Variants in TANC2 observed in about 807,000 individuals in gnomAD.
TANC2 encodes the protein protein TANC2.
A neutral mutation model predicts 210.5 loss-of-function variants in TANC2; 26 were observed. The ratio of observed to expected loss-of-function variants is 0.12; its 90% CI spans 0.09 to 0.17. The LOEUF (loss-of-function observed/expected upper bound fraction) is 0.17. TANC2 is among the 10% of genes least tolerant of loss of function. The pLI, the probability that TANC2 is intolerant of heterozygous loss-of-function variation, is 1.00. For missense variants in TANC2, 2,129 were observed against 2,608.9 expected, an observed-to-expected ratio of 0.82 and a Z score of 4.01; for synonymous variants, 931 against 967.1, an observed-to-expected ratio of 0.96 and a Z score of 0.69.
At chr17:63,226,209 T>C (rs1420053527) in intron 7 of TANC2, among the ~76,000 whole-genome samples, 3 of 152,244 alleles carry the variant, frequency 2.0e-5, no homozygotes, top group African/African-American at 7.2e-5. Context: ...TTTTTAGGCA[T>C]CACCAGACAC....
chr17:63,226,219 C>T (rs1425146720), intron 7 of TANC2, among the ~76,000 whole-genome samples: 1 of 152,112 alleles, frequency 6.6e-6, no homozygotes, highest in Non-Finnish European at 1.5e-5. Context: ...TCACCAGACA[C>T]CATAGGGGGT....
intron 7 of TANC2, among the ~76,000 whole-genome samples, chr17:63,223,657 A>G (rs2042253235): frequency 6.6e-6 from 1 of 152,042 alleles, no homozygotes; most frequent in African/African-American, 2.4e-5. Flanking sequence ...AGTTCCTGAA[A>G]CCATAGAAGG....
chr17:63,266,713 C>T (rs1409907666), intron 8 of TANC2, among the ~76,000 whole-genome samples: 2 of 152,082 alleles, frequency 1.3e-5, no homozygotes, highest in Non-Finnish European at 2.9e-5. Flanking sequence ...AATATACTCC[C>T]CAAGTATTTG....
chr17:63,238,340 A>AAT (rs2146057989), intron 8 of TANC2, among the ~76,000 whole-genome samples: 1 of 152,312 alleles, frequency 6.6e-6, no homozygotes, highest in South Asian at 2.1e-4. Flanking sequence ...CAGCCTATAA[A>AAT]ATATATCATC....
At chr17:63,025,102 C>G (rs893831265) in intron 2 of TANC2, among the ~76,000 whole-genome samples, 1 of 151,992 alleles carries the variant, frequency 6.6e-6, no homozygotes, top group African/African-American at 2.4e-5. Flanking sequence ...GAAAAATCAC[C>G]CTATTAGACA....
intron 4 of TANC2, among the ~76,000 whole-genome samples, chr17:63,137,658 G>T (rs566779818): frequency 6.6e-6 from 1 of 152,098 alleles, no homozygotes; most frequent in African/African-American, 2.4e-5. Flanking sequence ...ACTCTTATTT[G>T]TAATGTCTGT....
intron 13 of TANC2, among the ~76,000 whole-genome samples, chr17:63,352,184 G>A (rs2046631530): frequency 6.6e-6 from 1 of 152,030 alleles, no homozygotes; most frequent in Non-Finnish European, 1.5e-5. Flanking sequence ...TTCCTCCTAT[G>A]ATGAATATTA....
At chr17:63,057,783 A>G (rs1005761261) in intron 2 of TANC2, among the ~76,000 whole-genome samples, 3 of 152,188 alleles carry the variant, frequency 2.0e-5, no homozygotes, top group Non-Finnish European at 4.4e-5. Flanking sequence ...TTATGGCTGC[A>G]TAGTATTCCA....
At chr17:63,118,125 A>G (rs2038322258) in intron 4 of TANC2, among the ~76,000 whole-genome samples, 1 of 152,332 alleles carries the variant, frequency 6.6e-6, no homozygotes, top group East Asian at 1.9e-4. Context: ...ATCCTTATAA[A>G]TAAAATACCT....
chr17:63,197,733 G>A (rs2041392596), intron 6 of TANC2: 1 of 152,110 alleles, frequency 6.6e-6, no homozygotes, highest in African/African-American at 2.4e-5. Flanking sequence ...ATCCAGATTG[G>A]GAGCTTTCTT....
At chr17:63,090,705 T>A (rs1182888499) in intron 3 of TANC2, among the ~76,000 whole-genome samples, 1 of 152,210 alleles carries the variant, frequency 6.6e-6, no homozygotes, top group Admixed American at 6.5e-5. Context: ...TGATTTATAA[T>A]CCTTTGGGTA....
chr17:63,116,647 G>A (rs542857850), intron 4 of TANC2, among the ~76,000 whole-genome samples: 3 of 152,174 alleles, frequency 2.0e-5, no homozygotes, highest in Non-Finnish European at 4.4e-5. Flanking sequence ...TGAAATTGGT[G>A]TCATTGCTAC....
intron 4 of TANC2, 100 bp from the exon 5 acceptor site, chr17:63,151,170 C>A: frequency 2.1e-6 from 1 of 479,284 alleles, no homozygotes; most frequent in Non-Finnish European, 2.7e-6. Flanking sequence ...CTCTCTTTCC[C>A]TTTTTCCTTC....
exon 2 of TANC2, chr17:63,009,568 G>A: frequency 1.9e-6 from 3 of 1,612,832 alleles, no homozygotes; most frequent in South Asian, 1.1e-5. Context: ...CCATGTTTCG[G>A]AATAGTCTCA....
chr17:63,366,117 A>G (rs2047103004), intron 14 of TANC2, among the ~76,000 whole-genome samples: 1 of 152,102 alleles, frequency 6.6e-6, no homozygotes, highest in African/African-American at 2.4e-5. Flanking sequence ...ACTAATTTTA[A>G]GCTAGCAACT....
At chr17:63,012,918 G>A (rs2033936663) in intron 2 of TANC2, among the ~76,000 whole-genome samples, 1 of 152,064 alleles carries the variant, frequency 6.6e-6, no homozygotes, top group Non-Finnish European at 1.5e-5. Flanking sequence ...ACCACCCAAA[G>A]CATTGGGATT....
At chr17:63,374,824 A>G (rs1321829882) in intron 14 of TANC2, among the ~76,000 whole-genome samples, 1 of 152,242 alleles carries the variant, frequency 6.6e-6, no homozygotes, top group African/African-American at 2.4e-5. Flanking sequence ...GGAAAATAAA[A>G]CTAGCAAATA....
At chr17:63,221,474 A>T (rs570629453) in intron 7 of TANC2, among the ~76,000 whole-genome samples, 1 of 151,862 alleles carries the variant, frequency 6.6e-6, no homozygotes, top group East Asian at 1.9e-4. Context: ...AGAAAATGAA[A>T]AGGGAAATTA....
At chr17:63,212,767 G>A (rs185939888) in intron 7 of TANC2, among the ~76,000 whole-genome samples, 1 of 152,174 alleles carries the variant, frequency 6.6e-6, no homozygotes, top group Non-Finnish European at 1.5e-5. Flanking sequence ...ACTATGAAAT[G>A]TAGCACTTAA....
Sources: gnomAD v4.1 joint callset for allele counts (sites outside exome capture counted in the v4.1 genomes callset) on GRCh38, gnomAD v4.1.1 for gene constraint, MANE v1.5 for transcripts, NCBI Gene and HGNC (gene_info 2026-07-23, HGNC 2026-07-21) for gene names.